LMBRD1: variants seen among roughly 807,000 people sequenced by gnomAD.
LMBRD1 encodes LMBR1 domain containing 1.
Under a neutral mutation model 74.8 loss-of-function variants are expected in LMBRD1, and 64 were observed. The observed-to-expected ratio is 0.86, with a 90% CI of 0.70 to 1.05. The LOEUF (loss-of-function observed/expected upper bound fraction) is 1.05. Ranked by LOEUF, LMBRD1 falls within the 50% of genes least tolerant of loss-of-function variation. The pLI is 0.00. For missense variants in LMBRD1, 652 were observed against 645.9 expected (o/e 1.01, Z -0.10); for synonymous variants, 204 against 216.3 (o/e 0.94, Z 0.50).
chr6:69,701,835 A>G (rs895913667), intron 10 of LMBRD1, 54 bp downstream of exon 10: 8 of 1,222,896 alleles, frequency 6.5e-6, no homozygotes, highest in Non-Finnish European at 8.5e-6. Context: ...AACAAAATGT[A>G]TATTATCATA....
At chr6:69,731,970 T>C (rs1416938832) in intron 7 of LMBRD1, among the ~76,000 whole-genome samples, 2 of 152,130 alleles carry the variant, frequency 1.3e-5, no homozygotes, top group African/African-American at 4.8e-5. Context: ...ACTCACTAAA[T>C]ATAAAACAAA....
At chr6:69,771,958 CT>C (rs1231993087) in intron 3 of LMBRD1, among the ~76,000 whole-genome samples, 1 of 151,964 alleles carries the variant, frequency 6.6e-6, no homozygotes, top group Non-Finnish European at 1.5e-5. Flanking sequence ...CCATATTTGA[CT>C]CAAAATGTGA....
chr6:69,739,836 A>G (rs1180770710), intron 6 of LMBRD1, among the ~76,000 whole-genome samples: 2 of 152,178 alleles, frequency 1.3e-5, no homozygotes, highest in Non-Finnish European at 2.9e-5. Flanking sequence ...GGCCGGGTGC[A>G]GTGGCTCATG....
chr6:69,760,855 T>C (rs1171211273), intron 3 of LMBRD1, among the ~76,000 whole-genome samples: 1 of 152,154 alleles, frequency 6.6e-6, no homozygotes, highest in African/African-American at 2.4e-5. Flanking sequence ...GAACTGATGT[T>C]ACAGGCCAAG....
intron 13 of LMBRD1, 68 bp downstream of exon 13, chr6:69,698,975 A>T: frequency 9.1e-7 from 1 of 1,100,678 alleles, no homozygotes; most frequent in Non-Finnish European, 1.4e-6. Context: ...CATCACAATT[A>T]AAATTTCATT....
intron 6 of LMBRD1, 135 bp downstream of exon 6, chr6:69,741,654 G>A (rs1767104784): frequency 3.4e-6 from 2 of 588,508 alleles, no homozygotes; most frequent in Non-Finnish European, 6.1e-6. Flanking sequence ...CTCCCAAAGT[G>A]CTAGGATTAC....
chr6:69,748,679 A>T (rs2149875795), intron 5 of LMBRD1, among the ~76,000 whole-genome samples: 1 of 152,232 alleles, frequency 6.6e-6, no homozygotes, highest in Non-Finnish European at 1.5e-5. Flanking sequence ...ATTTCCTAAC[A>T]TAAAAAATGA....
intron 4 of LMBRD1, among the ~76,000 whole-genome samples, chr6:69,751,077 T>A (rs545844204): frequency 2.6e-5 from 4 of 152,288 alleles, no homozygotes; most frequent in Admixed American, 6.5e-5. Context: ...GATTTTGACA[T>A]ATACCTTTTA....
At chr6:69,679,045 A>AAC (rs34295282) in intron 14 of LMBRD1, among the ~76,000 whole-genome samples, 38,274 of 129,112 alleles carry the variant, frequency 0.3, 5,206 homozygotes, top group East Asian at 0.53. Flanking sequence ...GGTTAAAACA[A>AAC]AAAAAAAAAA....
Position 69,714,949 on chromosome 6 carries a change from G to A in LMBRD1, c.763-1152C>T, listed in dbSNP as rs1197319547. Among the ~76,000 whole-genome samples the A allele has an allele frequency of 2.0e-5, 3 of 152,026 alleles. No individual in the cohort carries two copies. The East Asian group carries it at 5.8e-4, about 29-fold the overall frequency. On this transcript the variant is annotated intron_variant, in intron 8 of 15. Transcript: ENST00000649934. The stretch of plus-strand genomic sequence containing the variant: ...GAGGATATGATTTTGTAGGTCTTGG[G>A]TGGAGCCTAGAATTTGAATTTCTAC...
intron 2 of LMBRD1, among the ~76,000 whole-genome samples, chr6:69,782,828 A>C (rs974991032): frequency 6.6e-5 from 10 of 152,334 alleles, no homozygotes; most frequent in African/African-American, 2.4e-4. Flanking sequence ...GTCAGGGTAA[A>C]TTAGACCCTG....
intron 3 of LMBRD1, among the ~76,000 whole-genome samples, chr6:69,773,148 G>T (rs1765609974): frequency 6.6e-6 from 1 of 152,088 alleles, no homozygotes; most frequent in Non-Finnish European, 1.5e-5. Flanking sequence ...GTAGTTTTGG[G>T]AGGTAGGGCC....
chr6:69,743,286 T>TA (rs1767146839), intron 5 of LMBRD1, among the ~76,000 whole-genome samples: 1 of 152,130 alleles, frequency 6.6e-6, no homozygotes, highest in South Asian at 2.1e-4. Flanking sequence ...ATCATACTAT[T>TA]AAAAAAGAAA....
At chr6:69,717,686 CT>C (rs1344330076) in intron 8 of LMBRD1, among the ~76,000 whole-genome samples, 1 of 151,968 alleles carries the variant, frequency 6.6e-6, no homozygotes. Flanking sequence ...TTTTGAATTG[CT>C]ACTTTTTGTT....
At chr6:69,754,898 G>A (rs149013124) in intron 3 of LMBRD1, among the ~76,000 whole-genome samples, 6 of 152,230 alleles carry the variant, frequency 3.9e-5, no homozygotes, top group African/African-American at 9.6e-5. Flanking sequence ...ACCATCTCAC[G>A]CCAATTAGAA....
intron 8 of LMBRD1, among the ~76,000 whole-genome samples, chr6:69,718,274 T>C (rs1240253844): frequency 1.3e-5 from 2 of 152,006 alleles, no homozygotes; most frequent in Non-Finnish European, 2.9e-5. Context: ...AACTTGAACA[T>C]AAATATTATA....
At chr6:69,749,717 C>T (rs1279195996) in intron 4 of LMBRD1, among the ~76,000 whole-genome samples, 2 of 151,198 alleles carry the variant, frequency 1.3e-5, no homozygotes, top group Middle Eastern at 3.2e-3. Flanking sequence ...AAAATATTCC[C>T]CCAGACAGCA....
At chr6:69,686,919 T>G (rs1409100194) in intron 14 of LMBRD1, among the ~76,000 whole-genome samples, 1 of 152,128 alleles carries the variant, frequency 6.6e-6, no homozygotes, top group East Asian at 1.9e-4. Flanking sequence ...AAGAGCTGAG[T>G]GGTTATCATA....
chr6:69,746,783 TACG>T, intron 5 of LMBRD1: 1 of 169,162 alleles, frequency 5.9e-6, no homozygotes, highest in Non-Finnish European at 1.3e-5. Flanking sequence ...CATTTTCTGA[TACG>T]ACAATGAATT....
Sources: allele counts gnomAD v4.1 joint callset (sites outside exome capture counted in the v4.1 genomes callset), GRCh38; gene constraint gnomAD v4.1.1; transcripts MANE v1.5; gene names NCBI Gene and HGNC (gene_info 2026-07-23, HGNC 2026-07-21).